Variants in NRG1 observed in about 807,000 individuals in gnomAD.
NRG1 encodes the protein neuregulin 1.
In NRG1, 18 loss-of-function variants were observed where a neutral mutation model predicts 63.8. That is an observed-to-expected ratio of 0.28 (90% CI 0.19 to 0.42). NRG1 has a LOEUF of 0.42. NRG1 is among the 10% of genes least tolerant of loss of function. The pLI is 1.00. For missense variants in NRG1, 762 were observed against 814.7 expected (o/e 0.94, Z 0.79); for synonymous variants, 302 against 301.3 (o/e 1.00, Z -0.02).
intron 6 of NRG1, 105 bp downstream of exon 6, chr8:32,728,183 A>G (rs80137364): frequency 3.1e-5 from 48 of 1,548,706 alleles, no homozygotes; most frequent in Non-Finnish European, 3.9e-5. Context: ...TTGTTGCATC[A>G]TGTTGAATAA....
At chr8:32,514,243 C>T (rs557141043) in intron 1 of NRG1, among the ~76,000 whole-genome samples, 1 of 152,256 alleles carries the variant, frequency 6.6e-6, no homozygotes, top group East Asian at 1.9e-4. Context: ...ATCATTACAT[C>T]ATTTGCAGAA....
chr8:31,766,270 C>T (rs532299152), intron 1 of NRG1, among the ~76,000 whole-genome samples: 2 of 152,224 alleles, frequency 1.3e-5, no homozygotes, highest in African/African-American at 2.4e-5. Context: ...CAACCTACCA[C>T]GTTAAAAAAG....
intron 1 of NRG1, among the ~76,000 whole-genome samples, chr8:32,595,060 T>G (rs183037713): frequency 7.2e-5 from 11 of 152,340 alleles, no homozygotes; most frequent in African/African-American, 2.4e-4. Flanking sequence ...GAAATTAAAC[T>G]TCCCGATTTT....
chr8:31,884,921 T>C (rs1413429218), intron 1 of NRG1, among the ~76,000 whole-genome samples: 2 of 152,192 alleles, frequency 1.3e-5, no homozygotes, highest in Non-Finnish European at 2.9e-5. Context: ...AAAAAAGACT[T>C]TTATGGAGTG....
chr8:32,269,344 A>G (rs1051798469), intron 1 of NRG1, among the ~76,000 whole-genome samples: 6 of 152,322 alleles, frequency 3.9e-5, no homozygotes, highest in South Asian at 2.1e-4. Context: ...AATTCTAGCA[A>G]TTATAGATCA....
At chr8:32,726,875 A>G (rs1042790411) in intron 5 of NRG1, among the ~76,000 whole-genome samples, 2 of 152,156 alleles carry the variant, frequency 1.3e-5, no homozygotes, top group Non-Finnish European at 1.5e-5. Context: ...ATTCATAAGA[A>G]TGTTATCAGT....
At chr8:32,074,939 T>C (rs1826273145) in intron 1 of NRG1, among the ~76,000 whole-genome samples, 1 of 152,246 alleles carries the variant, frequency 6.6e-6, no homozygotes, top group Non-Finnish European at 1.5e-5. Flanking sequence ...ACAAGGCCCC[T>C]TGATTCAGAT....
At chr8:32,565,492 C>T (rs937762258) in intron 1 of NRG1, among the ~76,000 whole-genome samples, 5 of 152,230 alleles carry the variant, frequency 3.3e-5, no homozygotes, top group Admixed American at 2.6e-4. Flanking sequence ...CCTCACGTTT[C>T]CCATCATTTT....
intron 1 of NRG1, among the ~76,000 whole-genome samples, chr8:32,370,857 C>CAAAAAAAAAAAAA (rs570354347): frequency 1.9e-5 from 1 of 52,052 alleles, no homozygotes; most frequent in East Asian, 1.0e-3. Flanking sequence ...GACTCTGTCT[C>CAAAAAAAAAAAAA]AAAAAAAAAA....
At chr8:32,249,947 A>G (rs1318494140) in intron 1 of NRG1, among the ~76,000 whole-genome samples, 1 of 152,136 alleles carries the variant, frequency 6.6e-6, no homozygotes, top group African/African-American at 2.4e-5. Context: ...GGAGTCATCC[A>G]GAAGTCTTAT....
intron 1 of NRG1, among the ~76,000 whole-genome samples, chr8:32,555,513 C>G (rs547412116): frequency 6.6e-6 from 1 of 152,258 alleles, no homozygotes; most frequent in South Asian, 2.1e-4. Flanking sequence ...ACTGTGTCAC[C>G]CAGGCTGGAG....
chr8:32,567,089 C>T (rs1437648879), intron 1 of NRG1, among the ~76,000 whole-genome samples: 1 of 152,144 alleles, frequency 6.6e-6, no homozygotes, highest in African/African-American at 2.4e-5. Flanking sequence ...GTGCCCACCT[C>T]GGCCTCCCAA....
intron 1 of NRG1, among the ~76,000 whole-genome samples, chr8:32,514,774 TAACA>T (rs964379906): frequency 6.6e-6 from 1 of 152,214 alleles, no homozygotes; most frequent in Admixed American, 6.5e-5. Context: ...TATAGATTAC[TAACA>T]AACTCATTGC....
intron 5 of NRG1, among the ~76,000 whole-genome samples, chr8:32,626,553 G>A (rs1473676630): frequency 6.6e-6 from 1 of 152,016 alleles, no homozygotes; most frequent in Non-Finnish European, 1.5e-5. Flanking sequence ...GGTGGCGGTT[G>A]CCTGTAGTCC....
intron 7 of NRG1, among the ~76,000 whole-genome samples, chr8:32,746,857 G>C (rs546496598): frequency 1.4e-5 from 2 of 144,110 alleles, no homozygotes; most frequent in African/African-American, 2.6e-5. Context: ...AAAAGTGTTC[G>C]TGTATTCTGC....
chr8:32,344,419 ATGTGTGTGTGTGTGTGTGTGTGTGTG>A (rs397956518), intron 1 of NRG1, among the ~76,000 whole-genome samples: 11,070 of 57,382 alleles, frequency 0.19, 1,042 homozygotes, highest in African/African-American at 0.3. Context: ...GCGTGCATGC[ATGTGTGTGTGTGTGTGTGTGTGTGTG>A]TGTGTGTGTG....
At chr8:32,296,233 A>G (rs1476832622) in intron 1 of NRG1, among the ~76,000 whole-genome samples, 2 of 152,132 alleles carry the variant, frequency 1.3e-5, no homozygotes, top group Admixed American at 6.5e-5. Context: ...GTGTACTTAC[A>G]TATTAATTTC....
At chr8:32,518,932 A>T (rs894151551) in intron 1 of NRG1, among the ~76,000 whole-genome samples, 9 of 152,220 alleles carry the variant, frequency 5.9e-5, no homozygotes, top group Non-Finnish European at 1.0e-4. Context: ...GATACAATGT[A>T]CATGTTTAAA....
rs576442566 is a variant in NRG1 at position 32,474,606 on chromosome 8, C to A, written c.38-121222C>A. ...CTCCCAGGTTCAAGTGATTCTCCTG[C>A]CTCAGCCTCCCAAGTAGCTGGGACT... is the stretch of plus-strand genomic sequence containing the variant. On this transcript the variant is annotated intron_variant, in intron 1 of 10. Transcript: ENST00000519301. Among the ~76,000 whole-genome samples, 8 of 152,100 alleles carry A rather than the reference C, an allele frequency of 5.3e-5. 1 individual carries two copies. The South Asian group carries it at 1.7e-3, about 32-fold the overall frequency.
Sources: allele counts gnomAD v4.1 joint callset (sites outside exome capture counted in the v4.1 genomes callset), GRCh38; gene constraint gnomAD v4.1.1; transcripts MANE v1.5; gene names NCBI Gene and HGNC (gene_info 2026-07-23, HGNC 2026-07-21).